Variants in TMEM259 observed in about 807,000 individuals in gnomAD.
TMEM259 encodes membralin.
TMEM259 carries 26 observed loss-of-function variants against 46.7 expected under a neutral mutation model. The observed-to-expected ratio is 0.56, with a 90% CI of 0.41 to 0.77. The LOEUF (loss-of-function observed/expected upper bound fraction) is 0.77. Among genes scored for constraint, TMEM259 ranks in the 30% least tolerant of loss-of-function variants. TMEM259 has a pLI of 0.00. For missense variants in TMEM259, 930 were observed against 900.5 expected (o/e 1.03, Z -0.42); for synonymous variants, 494 against 395.1 (o/e 1.25, Z -2.97).
rs761851528 is a variant in TMEM259 at position 1,021,059 on chromosome 19, G to C, written c.-63C>G. 1.6e-6 allele frequency: 2 copies of C among 1,280,046 alleles called. No individual in the cohort carries two copies. Among genetic ancestry groups the C allele is most frequent in the Non-Finnish European group, 2.0e-6 (2 of 1,007,490 alleles). 79.3% of individuals were successfully genotyped at this position (1,280,046 alleles called of 1,614,324 possible). The stretch of plus-strand genomic sequence containing the variant: ...CGAGGGCGCCTCCCGGCCGCCATCG[G>C]CCGCCCTCGCAGCCGCCGCTCTCCT... On this transcript the variant is annotated 5_prime_UTR_variant, in exon 1 of 11. Coordinates refer to ENST00000356663, the MANE Select transcript of TMEM259 (RefSeq NM_001033026.2).
At chr19:1,012,604 G>A (rs750564631) in intron 3 of TMEM259, 31 bp from the exon 4 acceptor site, 16 of 1,549,248 alleles carry the variant, frequency 1.0e-5, no homozygotes, top group Middle Eastern at 1.7e-4. Flanking sequence ...CCAGGTCAGC[G>A]CCCCCACACA....
chr19:1,010,351 C>A lies in TMEM259; in HGVS notation c.1862G>T (p.Ter621LeuextTer8). 2.0e-6 allele frequency: 3 copies of A among 1,487,074 alleles called. No homozygotes were observed. The highest frequency in any genetic ancestry group is 2.7e-6 in the Non-Finnish European group (3 of 1,127,356). 92.1% of individuals were successfully genotyped at this position (1,487,074 alleles called of 1,614,324 possible). A position where few individuals can be genotyped will look rare whatever the true frequency, so the allele number is the denominator to read the frequency against. Reference protein sequence around the residue: ...PTEAPSEVGS* With the variant: ...PTEAPSEVGSL Reference sequence around the variant, plus strand: ...TCAGAGGCGGCTCAGCTGTGCGGCTCAGGACCCCACCTCCGAGGGCGCCTC... The same window carrying A: ...TCAGAGGCGGCTCAGCTGTGCGGCTAAGGACCCCACCTCCGAGGGCGCCTC... Residue 621 changes from the stop codon to leucine (L), a stop_lost, in exon 11 of 11, where the codon TGA (stop) becomes TTA (leucine). Transcript: ENST00000356663.
At chr19:1,012,045 C>G in intron 5 of TMEM259, 21 bp downstream of exon 5, 1 of 1,611,896 alleles carries the variant, frequency 6.2e-7, no homozygotes. Context: ...CTCGCACCCT[C>G]GGCCCCGGGG....
chr19:1,018,363 C>G (rs117897971), intron 1 of TMEM259, among the ~76,000 whole-genome samples: 1,670 of 152,102 alleles, frequency 0.011, 10 homozygotes, highest in Middle Eastern at 0.082. Flanking sequence ...CATGCTGGCT[C>G]AGAGCTGGGA....
intron 1 of TMEM259, among the ~76,000 whole-genome samples, chr19:1,014,923 C>T (rs1026963455): frequency 3.3e-5 from 5 of 152,330 alleles, no homozygotes; most frequent in East Asian, 3.9e-4. Flanking sequence ...TGCCAGCCAA[C>T]GGCTCCCGCC....
chr19:1,018,225 G>A (rs2039172938), intron 1 of TMEM259, among the ~76,000 whole-genome samples: 1 of 152,166 alleles, frequency 6.6e-6, no homozygotes, highest in Non-Finnish European at 1.5e-5. Context: ...GGTGGATACT[G>A]AGGCTGGATG....
chr19:1,013,173 G>A (rs1324492428), intron 3 of TMEM259, 68 bp downstream of exon 3: 13 of 1,396,198 alleles, frequency 9.3e-6, no homozygotes, highest in African/African-American at 4.3e-5. Context: ...GAGGGACCCC[G>A]CCTGCACCCC....
At position 1,011,778 on chromosome 19, in the gene TMEM259, C is replaced by T. The variant is rs377313323; in HGVS notation, c.963G>A (p.Leu321=). 3.8e-6 allele frequency: 6 copies of T among 1,567,984 alleles called. No homozygotes were observed. The highest frequency in any genetic ancestry group is 3.5e-6 in the Non-Finnish European group (4 of 1,156,186). Residue 321 remains leucine (L), a synonymous_variant, in exon 7 of 11, where the codon CTG becomes CTA. Coordinates refer to ENST00000356663, the MANE Select transcript of TMEM259 (RefSeq NM_001033026.2). ...MVIFTLSVSM[L]LRYSHHQIFV... ...AGATCTGGTGGTGTGAGTACCGCAGCAGCATGGACACGCTCAGCGTCTGCA... is the reference window on the plus strand; with the variant it reads ...AGATCTGGTGGTGTGAGTACCGCAGTAGCATGGACACGCTCAGCGTCTGCA...
intron 2 of TMEM259, among the ~76,000 whole-genome samples, chr19:1,013,940 C>G (rs953027995): frequency 6.6e-6 from 1 of 152,224 alleles, no homozygotes; most frequent in African/African-American, 2.4e-5. Flanking sequence ...AGGCCCGAGT[C>G]TGCCCAGCCC....
rs185964545 is a variant in TMEM259 at position 1,010,523 on chromosome 19, G to C, written c.1690C>G (p.Arg564Gly). 2 of 1,547,632 alleles carry C rather than the reference G, an allele frequency of 1.3e-6. No individual in the cohort carries two copies. The highest frequency in any genetic ancestry group is 2.7e-5 in the African/African-American group (2 of 72,990). The change falls in exon 11 of 11, where the codon CGG (arginine) becomes GGG (glycine). Residue 564 changes from arginine to glycine, a missense_variant. Physicochemically the swap from Arg to Gly is moderately radical, Grantham distance 125. Transcript: ENST00000356663. ...LSGLSASLLERRPASPLGPAG... is the reference protein window; with the variant it reads ...LSGLSASLLEGRPASPLGPAG... ...GGGCCCAGCGGGCTGGCTGGACGCCGCTCCAGGAGGGAGGCGCTCAGGCCG... is the reference window on the plus strand; with the variant it reads ...GGGCCCAGCGGGCTGGCTGGACGCCCCTCCAGGAGGGAGGCGCTCAGGCCG...
In TMEM259 at chr19:1,009,664, GAC is replaced by G. The variant is rs2038829080; in HGVS notation, c.*684_*685del. 7.9e-7 allele frequency: 1 copy of G among 1,271,964 alleles called. No individual in the cohort carries two copies. The highest frequency in any genetic ancestry group is 1.0e-6 in the Non-Finnish European group (1 of 983,458). The allele number at this position is 1,271,964 out of a possible 1,614,324, so 78.8% of individuals were successfully genotyped here. ...ACAGCGCAGTGAGCCGCTGTCAACA[GAC>G]AGTTTATTCTATATACAAACACAAT... On this transcript the variant is annotated 3_prime_UTR_variant, in exon 11 of 11. Coordinates refer to ENST00000356663, the MANE Select transcript of TMEM259 (RefSeq NM_001033026.2).
chr19:1,014,513 A>T (rs1183002387), intron 1 of TMEM259, 40 bp from the exon 2 acceptor site: 1 of 1,585,426 alleles, frequency 6.3e-7, no homozygotes, highest in Non-Finnish European at 8.6e-7. Flanking sequence ...CCCCAGGGCC[A>T]GCTGCAGCCG....
Position 1,018,262 on chromosome 19 carries a change from C to G in TMEM259, c.225+2510G>C, listed in dbSNP as rs527580598. ...AGGTCTCCCGAGGGCCCCTGGAACA[C>G]AGGCCCCTGCCGCCTCCTCTCTCCC... On this transcript the variant is annotated intron_variant, in intron 1 of 10. Transcript: ENST00000356663. 2.7e-4 allele frequency among the ~76,000 whole-genome samples: 41 copies of G among 152,344 alleles called. No individual in the cohort carries two copies. The East Asian group carries it at 6.0e-3, about 22-fold the overall frequency.
intron 4 of TMEM259, 26 bp from the exon 5 acceptor site, chr19:1,012,214 G>C (rs751940225): frequency 6.3e-7 from 1 of 1,581,834 alleles, no homozygotes; most frequent in Middle Eastern, 2.1e-4. Context: ...TCAGGGAGCC[G>C]GGAGCCCCGC....
At chr19:1,017,310 C>G in intron 1 of TMEM259, 1 of 399,720 alleles carries the variant, frequency 2.5e-6, no homozygotes, top group Non-Finnish European at 4.4e-6. Context: ...CCTGGCCACC[C>G]TCTGCCCGCA....
chr19:1,013,159 T>C, intron 3 of TMEM259, 82 bp downstream of exon 3: 1 of 1,263,404 alleles, frequency 7.9e-7, no homozygotes, highest in South Asian at 1.2e-5. Flanking sequence ...GCTGGGGATG[T>C]TCGGAGGGAC....
intron 1 of TMEM259, among the ~76,000 whole-genome samples, chr19:1,016,192 A>G (rs1304859564): frequency 1.3e-5 from 2 of 151,904 alleles, no homozygotes; most frequent in Admixed American, 6.6e-5. Flanking sequence ...CGGAGCTACA[A>G]ATGAGGGGTG....
rs1455639948 is a variant in TMEM259 at position 1,011,407 on chromosome 19, T to C, written c.1177A>G (p.Ile393Val). ...TTGCTGGTGCTGGTGTGGCAGCAGA[T>C]GGCGTCATACTGGTCCGCGAGCCAC... ...IVWLADQYDA[I>V]CCHTSTSKRH... Residue 393 changes from isoleucine (I) to valine (V), a missense_variant, in exon 9 of 11, where the codon ATC becomes GTC. Physicochemically the swap from Ile to Val is conservative, Grantham distance 29 (BLOSUM62 3). Coordinates refer to ENST00000356663, the MANE Select transcript of TMEM259 (RefSeq NM_001033026.2). 1 of 1,564,176 alleles carries C rather than the reference T, an allele frequency of 6.4e-7. No homozygotes were observed. The highest frequency in any genetic ancestry group is 8.6e-7 in the Non-Finnish European group (1 of 1,157,256).
In TMEM259 at chr19:1,020,555, C is replaced by T. The variant is rs1032410324; in HGVS notation, c.225+217G>A. Reference sequence around the variant, plus strand: ...GGATCCGGCCTTCCCGGGTGGACGTCCCCGGGCGGGATGGGGTCACGAGAC... The same window carrying T: ...GGATCCGGCCTTCCCGGGTGGACGTTCCCGGGCGGGATGGGGTCACGAGAC... On this transcript the variant is annotated intron_variant, in intron 1 of 10. Coordinates refer to ENST00000356663, the MANE Select transcript of TMEM259 (RefSeq NM_001033026.2). This position sits in a 1 kb window ranked among gnomAD's most constrained non-coding sequence, Gnocchi z 4.0. Among the ~76,000 whole-genome samples, 12 of 152,034 alleles carry T rather than the reference C, an allele frequency of 7.9e-5. No homozygotes were observed. The highest frequency in any genetic ancestry group is 1.5e-4 in the Non-Finnish European group (10 of 67,990).
Sources: gnomAD v4.1 joint callset for allele counts (sites outside exome capture counted in the v4.1 genomes callset) on GRCh38, gnomAD v4.1.1 for gene constraint, Gnocchi (gnomAD v3.1) non-coding constraint, MANE v1.5 for transcripts, NCBI Gene and HGNC (gene_info 2026-07-23, HGNC 2026-07-21) for gene names.